Variants in RABEP1 observed in about 807,000 individuals in gnomAD.
The protein encoded by RABEP1 is rab GTPase-binding effector protein 1.
In RABEP1, 51 loss-of-function variants were observed where a neutral mutation model predicts 123.4. The ratio of observed to expected loss-of-function variants is 0.41; its 90% confidence interval spans 0.33 to 0.52. The LOEUF is 0.52. Among genes scored for constraint, RABEP1 ranks in the 20% least tolerant of loss-of-function variants. The pLI, the probability that RABEP1 is intolerant of heterozygous loss-of-function variation, is 0.16. For synonymous variants in RABEP1, 347 were observed against 355.2 expected (o/e 0.98, Z 0.26); for missense variants, 888 against 996.3 (o/e 0.89, Z 1.46).
chr17:5,350,752 T>G, intron 7 of RABEP1, 123 bp downstream of exon 7: 1 of 1,070,476 alleles, frequency 9.3e-7, no homozygotes, highest in South Asian at 1.5e-5. Flanking sequence ...AGGTGATATG[T>G]GCCACTTTTA....
At chr17:5,313,521 A>G (rs2075265210) in intron 2 of RABEP1, among the ~76,000 whole-genome samples, 1 of 152,222 alleles carries the variant, frequency 6.6e-6, no homozygotes, top group African/African-American at 2.4e-5. Context: ...AATTTTCCCA[A>G]AAACTCTGAA....
chr17:5,381,138 G>A (rs1175390710), intron 16 of RABEP1, among the ~76,000 whole-genome samples: 1 of 152,164 alleles, frequency 6.6e-6, no homozygotes, highest in Non-Finnish European at 1.5e-5. Flanking sequence ...AGCTGCTGGG[G>A]GTGGGGGAGG....
intron 1 of RABEP1, among the ~76,000 whole-genome samples, chr17:5,288,384 TTTTTA>T (rs1310436693): frequency 6.6e-6 from 1 of 152,046 alleles, no homozygotes; most frequent in African/African-American, 2.4e-5. Context: ...GATGTGTGGC[TTTTTA>T]TTTTATTTTA....
chr17:5,289,289 G>A (rs552465281), intron 1 of RABEP1, among the ~76,000 whole-genome samples: 1 of 151,632 alleles, frequency 6.6e-6, no homozygotes, highest in Admixed American at 6.6e-5. Context: ...TCAGTAATTT[G>A]GAGGAGCTCT....
At chr17:5,318,444 G>A (rs1328957319) in intron 2 of RABEP1, among the ~76,000 whole-genome samples, 2 of 152,104 alleles carry the variant, frequency 1.3e-5, no homozygotes, top group South Asian at 2.1e-4. Context: ...GATTACTAAC[G>A]AGAAATTACT....
intron 14 of RABEP1, 114 bp from the exon 15 acceptor site, chr17:5,378,063 C>T (rs1186233550): frequency 1.3e-6 from 1 of 745,302 alleles, no homozygotes. Flanking sequence ...GCCCCCGGAA[C>T]CCATGTTCAG....
intron 8 of RABEP1, among the ~76,000 whole-genome samples, chr17:5,359,238 T>C (rs1326061526): frequency 1.3e-5 from 2 of 152,062 alleles, no homozygotes; most frequent in African/African-American, 4.8e-5. Context: ...CACGCCTGGC[T>C]AATTTTTTGT....
intron 2 of RABEP1, among the ~76,000 whole-genome samples, chr17:5,311,720 ACAG>A (rs770312326): frequency 1.6e-4 from 22 of 139,172 alleles, no homozygotes; most frequent in Non-Finnish European, 2.6e-4. Context: ...AAAAAAAAAA[ACAG>A]ACTAAAAAAT....
chr17:5,328,944 A>G (rs1199658248), intron 2 of RABEP1, among the ~76,000 whole-genome samples: 1 of 151,718 alleles, frequency 6.6e-6, no homozygotes, highest in Non-Finnish European at 1.5e-5. Context: ...AAAAAAAAAA[A>G]ATAAATTATT....
intron 12 of RABEP1, chr17:5,371,243 G>A (rs2144706745): frequency 6.6e-6 from 1 of 152,300 alleles, no homozygotes; most frequent in South Asian, 2.1e-4. Context: ...TGGGATTACA[G>A]GCGTGAGCCA....
chr17:5,282,963 A>G (rs1388614219), intron 1 of RABEP1, among the ~76,000 whole-genome samples: 1 of 152,090 alleles, frequency 6.6e-6, no homozygotes. Flanking sequence ...CTTTGCACCC[A>G]GTTATGTGAC....
intron 11 of RABEP1, among the ~76,000 whole-genome samples, chr17:5,367,795 G>A (rs1237659511): frequency 6.7e-6 from 1 of 149,166 alleles, no homozygotes; most frequent in Non-Finnish European, 1.5e-5. Flanking sequence ...TGCTCTTGTT[G>A]CCCAGGCTAG....
chr17:5,361,032 C>T, intron 8 of RABEP1, 176 bp from the exon 9 acceptor site: 1 of 621,922 alleles, frequency 1.6e-6, no homozygotes, highest in Non-Finnish European at 2.8e-6. Context: ...ATCCTGAGGG[C>T]CTGGTTTTGT....
intron 1 of RABEP1, among the ~76,000 whole-genome samples, chr17:5,289,379 T>A (rs2075010791): frequency 6.6e-6 from 1 of 151,814 alleles, no homozygotes; most frequent in African/African-American, 2.4e-5. Context: ...TTAAAAATTT[T>A]TTGTTATGCA....
At chr17:5,346,166 A>G (rs1391482204) in intron 5 of RABEP1, among the ~76,000 whole-genome samples, 3 of 152,186 alleles carry the variant, frequency 2.0e-5, no homozygotes, top group African/African-American at 7.2e-5. Flanking sequence ...TGCCTCCCAA[A>G]GTGCTAGGAT....
chr17:5,325,658 TAGA>T (rs142090089), intron 2 of RABEP1, among the ~76,000 whole-genome samples: 2,342 of 151,520 alleles, frequency 0.015, 53 homozygotes, highest in African/African-American at 0.054. Flanking sequence ...GATTTCAAAA[TAGA>T]AGAATTCGAA....
intron 13 of RABEP1, among the ~76,000 whole-genome samples, chr17:5,376,545 AAAT>A (rs1911009916): frequency 6.6e-6 from 1 of 152,218 alleles, no homozygotes; most frequent in African/African-American, 2.4e-5. Flanking sequence ...TTAGGAAGAA[AAAT>A]AAATTCTATA....
intron 11 of RABEP1, among the ~76,000 whole-genome samples, chr17:5,367,702 C>G (rs907447626): frequency 5.3e-5 from 8 of 150,486 alleles, no homozygotes; most frequent in African/African-American, 1.7e-4. Flanking sequence ...GTCTGTTTGC[C>G]TTTTTTTTGT....
intron 1 of RABEP1, among the ~76,000 whole-genome samples, chr17:5,307,784 C>CACCATG (rs1247095112): frequency 2.6e-5 from 4 of 152,186 alleles, no homozygotes; most frequent in African/African-American, 7.2e-5. Flanking sequence ...AATCTCCGCA[C>CACCATG]ACCATGATCA....
Sources: allele counts gnomAD v4.1 joint callset (sites outside exome capture counted in the v4.1 genomes callset), GRCh38; gene constraint gnomAD v4.1.1; transcripts MANE v1.5; gene names NCBI Gene and HGNC (gene_info 2026-07-23, HGNC 2026-07-21).